NUP93: variants seen among roughly 807,000 people sequenced by gnomAD.
NUP93 encodes the protein nuclear pore complex protein Nup93.
Under a neutral mutation model 107.8 loss-of-function variants are expected in NUP93, and 55 were observed. The ratio of observed to expected loss-of-function variants is 0.51; its 90% CI spans 0.41 to 0.64. NUP93 has a LOEUF of 0.64. NUP93 is among the 30% of genes least tolerant of loss of function. The probability of loss-of-function intolerance (pLI) is 0.00; values close to 1 mark genes in which losing one functional copy is unlikely to be tolerated. For missense variants in NUP93, 937 were observed against 1,044.7 expected (o/e 0.90, Z 1.42); for synonymous variants, 390 against 397.5 (o/e 0.98, Z 0.22).
chr16:56,765,429 T>G (rs1962199566), intron 3 of NUP93, among the ~76,000 whole-genome samples: 1 of 152,196 alleles, frequency 6.6e-6, no homozygotes, highest in African/African-American at 2.4e-5. Flanking sequence ...CATCCTGGAC[T>G]TAAAACAACC....
chr16:56,783,763 G>A (rs1962565560), intron 3 of NUP93: 1 of 985,300 alleles, frequency 1.0e-6, no homozygotes, highest in African/African-American at 1.7e-5. Context: ...CCATGGCACA[G>A]GAGCTTTGTT....
At chr16:56,793,150 G>A (rs917005003) in intron 3 of NUP93, among the ~76,000 whole-genome samples, 1 of 152,168 alleles carries the variant, frequency 6.6e-6, no homozygotes, top group African/African-American at 2.4e-5. Context: ...GTTATAGAAA[G>A]CTGGAAACCA....
Position 56,830,775 on chromosome 16 carries a change from G to T in NUP93, c.1085+90G>T, listed in dbSNP as rs369252228. 5.1e-5 allele frequency: 63 copies of T among 1,242,998 alleles called. No homozygotes were observed. The Middle Eastern group carries it at 9.2e-4, about 18-fold the overall frequency. The allele number at this position is 1,242,998 out of a possible 1,614,324, so 77.0% of individuals were successfully genotyped here. A position where few individuals can be genotyped will look rare whatever the true frequency, so the allele number is the denominator to read the frequency against. On this transcript the variant is annotated intron_variant, in intron 10 of 21. Coordinates refer to ENST00000308159, the MANE Select transcript of NUP93 (RefSeq NM_014669.5). ...TCATTATTCTCTTTTCCCTGGACGG[G>T]CCCAAAACAAGTTTCTGCTTGGGGG...
chr16:56,824,362 C>A (rs1225335599), intron 8 of NUP93, among the ~76,000 whole-genome samples: 1 of 152,172 alleles, frequency 6.6e-6, no homozygotes, highest in African/African-American at 2.4e-5. Context: ...TTTGCCACCT[C>A]CTCACCAATC....
chr16:56,843,138 G>A (rs145606406), intron 21 of NUP93, among the ~76,000 whole-genome samples: 26 of 152,336 alleles, frequency 1.7e-4, no homozygotes, highest in Non-Finnish European at 2.9e-4. Flanking sequence ...CCATCCAGGT[G>A]TGCACCAGAG....
intron 5 of NUP93, among the ~76,000 whole-genome samples, chr16:56,807,707 T>A (rs1391366880): frequency 2.0e-5 from 3 of 152,190 alleles, no homozygotes; most frequent in African/African-American, 7.2e-5. Context: ...TTTTCCCTCT[T>A]TTTAAAATTT....
intron 3 of NUP93, among the ~76,000 whole-genome samples, chr16:56,777,292 A>C (rs1962432411): frequency 6.6e-6 from 1 of 152,178 alleles, no homozygotes; most frequent in Non-Finnish European, 1.5e-5. Flanking sequence ...TGCATTTCGT[A>C]TCTGGCCCAC....
intron 7 of NUP93, among the ~76,000 whole-genome samples, chr16:56,822,791 A>G (rs917280455): frequency 1.6e-4 from 24 of 151,884 alleles, no homozygotes; most frequent in African/African-American, 5.8e-4. Flanking sequence ...CTCAAGCTTA[A>G]TTTTTTTAAA....
chr16:56,838,308 A>T (rs1256431681), intron 18 of NUP93, among the ~76,000 whole-genome samples: 1 of 152,208 alleles, frequency 6.6e-6, no homozygotes, highest in Non-Finnish European at 1.5e-5. Flanking sequence ...GGTAAATGAG[A>T]TATCTCCACC....
intron 3 of NUP93, among the ~76,000 whole-genome samples, chr16:56,778,227 A>G (rs1962450879): frequency 6.6e-6 from 1 of 152,208 alleles, no homozygotes; most frequent in African/African-American, 2.4e-5. Flanking sequence ...TGGGCCTTGA[A>G]AAATGAAATG....
At chr16:56,820,187 T>C (rs1963514728) in intron 6 of NUP93, among the ~76,000 whole-genome samples, 1 of 152,220 alleles carries the variant, frequency 6.6e-6, no homozygotes, top group Admixed American at 6.5e-5. Flanking sequence ...TACACGGCTG[T>C]CCTCTCCACT....
intron 3 of NUP93, among the ~76,000 whole-genome samples, chr16:56,771,196 A>G (rs1368425318): frequency 6.6e-6 from 1 of 152,180 alleles, no homozygotes; most frequent in African/African-American, 2.4e-5. Flanking sequence ...ACACATCATC[A>G]TAATCTTTTC....
Position 56,798,528 on chromosome 16 carries a change from C to G in NUP93, c.350C>G (p.Ser117Cys). ...DNALLSAIEE[S>C]RKRTFGMAEE... ...GCCCTGCTGTCTGCCATCGAAGAGT[C>G]CCGGAAGAGGGTAAGAAAATTAACC... Residue 117 changes from serine to cysteine, a missense_variant, in exon 4 of 22, where the codon TCC becomes TGC. By Grantham distance (112) the Ser-to-Cys change is moderately radical (BLOSUM62 -1). Transcript: ENST00000308159. 6.2e-7 allele frequency: 1 copy of G among 1,613,846 alleles called. No homozygotes were observed. Among genetic ancestry groups the G allele is most frequent in the Non-Finnish European group, 8.5e-7 (1 of 1,179,860 alleles).
chr16:56,740,054 G>A (rs1193779633), intron 1 of NUP93, among the ~76,000 whole-genome samples: 1 of 101,658 alleles, frequency 9.8e-6, no homozygotes, highest in African/African-American at 4.2e-5. Flanking sequence ...TCCCAGACGG[G>A]GCGGCTGGCC....
chr16:56,788,161 C>T (rs1962671566), intron 3 of NUP93, among the ~76,000 whole-genome samples: 1 of 152,194 alleles, frequency 6.6e-6, no homozygotes, highest in Non-Finnish European at 1.5e-5. Context: ...AGTTGCCTGG[C>T]TGCTCTCCCT....
chr16:56,742,262 AGTGTTT>A (rs1301752252), intron 1 of NUP93, among the ~76,000 whole-genome samples: 1 of 152,256 alleles, frequency 6.6e-6, no homozygotes, highest in Non-Finnish European at 1.5e-5. Flanking sequence ...TCTTTTTAAC[AGTGTTT>A]TCACACGGGG....
rs143568342 is a variant in NUP93 at position 56,844,982 on chromosome 16, A to G, written c.*373A>G. ...CTTTGGGAGTTACTTTTATTTAGAT[A>G]TAATATTCCATATAGCAGAGTCACG... On this transcript the variant is annotated 3_prime_UTR_variant, in exon 22 of 22. Transcript: ENST00000308159. 1.0e-5 allele frequency: 3 copies of G among 301,486 alleles called. No homozygotes were observed. Among genetic ancestry groups the G allele is most frequent in the Non-Finnish European group, 1.8e-5 (3 of 165,612 alleles). The allele number at this position is 301,486 out of a possible 1,614,324, so 18.7% of individuals were successfully genotyped here.
At chr16:56,836,796 A>G (rs1963921853) in intron 17 of NUP93, 79 bp downstream of exon 17, 3 of 892,334 alleles carry the variant, frequency 3.4e-6, no homozygotes, top group Non-Finnish European at 5.5e-6. Context: ...CCACTTGGAC[A>G]GTGTCATTGT....
At chr16:56,840,673 A>C (rs371335320) in intron 20 of NUP93, among the ~76,000 whole-genome samples, 1 of 152,144 alleles carries the variant, frequency 6.6e-6, no homozygotes, top group Non-Finnish European at 1.5e-5. Flanking sequence ...TCAGTTTACA[A>C]TTCTTCCTCA....
Sources: allele counts gnomAD v4.1 joint callset (sites outside exome capture counted in the v4.1 genomes callset), GRCh38; gene constraint gnomAD v4.1.1; transcripts MANE v1.5; gene names NCBI Gene and HGNC (gene_info 2026-07-23, HGNC 2026-07-21).